Variants in NLRP2 observed in about 807,000 individuals in gnomAD.
The protein encoded by NLRP2 is NACHT, LRR and PYD domains-containing protein 2.
A neutral mutation model predicts 97.2 loss-of-function variants in NLRP2; 107 were observed. That is an observed-to-expected ratio of 1.10 (90% CI 0.94 to 1.29). NLRP2 has a LOEUF of 1.29. NLRP2 is among the 50% of genes most tolerant of loss of function. The pLI is 0.00. For synonymous variants in NLRP2, 663 were observed against 551.5 expected (o/e 1.20, Z -2.83); for missense variants, 1,495 against 1,330.3 (o/e 1.12, Z -1.93).
intron 7 of NLRP2, 33 bp from the exon 8 acceptor site, chr19:54,986,118 C>A: frequency 6.6e-7 from 1 of 1,514,966 alleles, no homozygotes; most frequent in South Asian, 1.1e-5. Context: ...GGTGTACACA[C>A]TAAAGATTTC....
intron 2 of NLRP2, chr19:54,973,730 G>T: frequency 2.3e-6 from 1 of 442,716 alleles, no homozygotes; most frequent in South Asian, 1.7e-5. Context: ...ACGGCAGGAG[G>T]AAACCCAGAG....
intron 4 of NLRP2, among the ~76,000 whole-genome samples, chr19:54,979,491 C>T (rs911105025): frequency 4.6e-5 from 7 of 151,924 alleles, no homozygotes; most frequent in Non-Finnish European, 8.8e-5. Flanking sequence ...AGGCGCCCAC[C>T]ACCACATCTG....
Position 54,970,144 on chromosome 19 carries a change from C to T in NLRP2, c.129C>T (p.Pro43=). The change falls in exon 2 of 13, where the codon CCC becomes CCT. Residue 43 remains proline, a synonymous_variant. Transcript: ENST00000448584. ...FSLAHELQKI[P]HKEVDKADGK... is the part of the protein sequence containing the mutation. ...TGGCACACGAGCTCCAGAAGATCCC[C>T]CACAAGGAGGTAGACAAGGCTGATG... 1 of 1,614,078 alleles carries T rather than the reference C, an allele frequency of 6.2e-7. No individual in the cohort carries two copies. Among genetic ancestry groups the T allele is most frequent in the East Asian group, 2.2e-5 (1 of 44,886 alleles).
intron 1 of NLRP2, among the ~76,000 whole-genome samples, chr19:54,969,233 C>G (rs534152241): frequency 6.6e-6 from 1 of 152,110 alleles, no homozygotes; most frequent in South Asian, 2.1e-4. Context: ...GAAAAACTAG[C>G]TGGGCACTGA....
At chr19:54,998,611 CTTTTTTTTTTTTTTTTTTCCTTTT>C (rs1464777240) in intron 12 of NLRP2, among the ~76,000 whole-genome samples, 4 of 42,220 alleles carry the variant, frequency 9.5e-5, no homozygotes, top group East Asian at 6.7e-4. Context: ...CATCTTTTTT[CTTTTTTTTTTTTTTTTTTCCTTTT>C]TTTTTTTTTT....
intron 1 of NLRP2, among the ~76,000 whole-genome samples, chr19:54,968,535 C>T (rs183972642): frequency 7.2e-4 from 106 of 147,860 alleles, no homozygotes; most frequent in Non-Finnish European, 1.0e-3. Flanking sequence ...AGGGTTTTGC[C>T]ATGTTGCCCA....
In NLRP2 at chr19:54,979,131, C is replaced by T. The variant is rs147597244; in HGVS notation, c.397+1308C>T. ...TCCCCAGGTGCTGGGACTATAGGTG[C>T]CCACCACTATGCCTGGCTAACTTTT... On this transcript the variant is annotated intron_variant, in intron 4 of 12. Transcript: ENST00000448584. 2.6e-4 allele frequency among the ~76,000 whole-genome samples: 40 copies of T among 151,852 alleles called. No individual in the cohort carries two copies. The Middle Eastern group carries it at 0.01, about 39-fold the overall frequency.
intron 4 of NLRP2, 141 bp downstream of exon 4, chr19:54,977,964 A>G (rs2071352177): frequency 1.3e-6 from 1 of 790,580 alleles, no homozygotes; most frequent in Non-Finnish European, 2.2e-6. Flanking sequence ...CTCCTGGAGA[A>G]TGCCAACCTC....
intron 12 of NLRP2, among the ~76,000 whole-genome samples, chr19:54,998,375 T>TCCTA (rs2072959116): frequency 6.6e-6 from 1 of 152,066 alleles, no homozygotes; most frequent in Non-Finnish European, 1.5e-5. Flanking sequence ...CCTAGGAATG[T>TCCTA]GGGAACTTCA....
At position 54,982,764 on chromosome 19, in the gene NLRP2, G is replaced by T. The variant is rs374172530; in HGVS notation, c.1066G>T (p.Val356Leu). 1.9e-6 allele frequency: 3 copies of T among 1,614,058 alleles called. No individual in the cohort carries two copies. The highest frequency in any genetic ancestry group is 2.5e-6 in the Non-Finnish European group (3 of 1,180,032). The change falls in exon 6 of 13, where the codon GTG becomes TTG. Residue 356 changes from valine to leucine, a missense_variant. Val to Leu is a conservative substitution (Grantham distance 32). Transcript: ENST00000448584. ...ILAEEPIYIR[V>L]EGFLEEDRRA... is the part of the protein sequence containing the mutation. The stretch of plus-strand genomic sequence containing the variant: ...GGCGGAGGAGCCGATCTACATAAGG[G>T]TGGAGGGCTTCCTGGAGGAGGACAG...
intron 6 of NLRP2, among the ~76,000 whole-genome samples, 178 bp from the exon 7 acceptor site, chr19:54,984,869 T>A (rs896562761): frequency 1.3e-5 from 2 of 152,196 alleles, no homozygotes; most frequent in African/African-American, 4.8e-5. Flanking sequence ...AAGAATAGGT[T>A]CTTTCTCCTG....
Position 54,970,159 on chromosome 19 carries a change from C to A in NLRP2, c.144C>A (p.Asp48Glu), listed in dbSNP as rs757380266. 1.2e-6 allele frequency: 2 copies of A among 1,614,120 alleles called. No individual in the cohort carries two copies. Among genetic ancestry groups the A allele is most frequent in the Non-Finnish European group, 1.7e-6 (2 of 1,180,034 alleles). Reference protein sequence around the residue: ...ELQKIPHKEVDKADGKQLVEI... With the variant: ...ELQKIPHKEVEKADGKQLVEI... ...AGAAGATCCCCCACAAGGAGGTAGA[C>A]AAGGCTGATGGGAAGCAACTGGTAG... The change falls in exon 2 of 13, where the codon GAC becomes GAA. Residue 48 changes from aspartate to glutamate, a missense_variant. Coordinates refer to ENST00000448584, the MANE Select transcript of NLRP2 (RefSeq NM_017852.5).
intron 8 of NLRP2, among the ~76,000 whole-genome samples, chr19:54,987,202 C>CTT (rs2072155299): frequency 6.9e-6 from 1 of 144,390 alleles, no homozygotes; most frequent in African/African-American, 2.5e-5. Context: ...AGCCCAGAAT[C>CTT]TTTATCTTCT....
chr19:54,976,713 C>T (rs146528295), intron 3 of NLRP2: 7 of 406,250 alleles, frequency 1.7e-5, no homozygotes, highest in African/African-American at 4.3e-5. Context: ...GTGTCCAGTT[C>T]CCTCCCCAGC....
intron 10 of NLRP2, among the ~76,000 whole-genome samples, chr19:54,992,715 C>T (rs1671228): frequency 0.38 from 57,098 of 151,104 alleles, 11,172 homozygotes; most frequent in Middle Eastern, 0.51. Flanking sequence ...CATGCCACCA[C>T]GCCCAGCTAA....
At chr19:54,999,203 A>G (rs1205405116) in intron 12 of NLRP2, among the ~76,000 whole-genome samples, 1 of 151,664 alleles carries the variant, frequency 6.6e-6, no homozygotes, top group East Asian at 2.0e-4. Flanking sequence ...CCTGGAGCGC[A>G]ATGGCGCTAT....
chr19:54,974,144 A>G lies in NLRP2; in HGVS notation c.281-356A>G, dbSNP rs773271532. 1.7e-5 allele frequency: 11 copies of G among 638,276 alleles called. No individual in the cohort carries two copies. In the East Asian group the frequency reaches 3.8e-4, roughly 22 times the overall value. 39.5% of individuals were successfully genotyped at this position (638,276 alleles called of 1,614,324 possible). A position where few individuals can be genotyped will look rare whatever the true frequency, so the allele number is the denominator to read the frequency against. On this transcript the variant is annotated intron_variant, in intron 2 of 12. Coordinates refer to ENST00000448584, the MANE Select transcript of NLRP2 (RefSeq NM_017852.5). ...GCCGAGGTGGGCGGATCACAAGGTC[A>G]GGAGTCTGAGACCAGCCTGGCCAAA...
intron 2 of NLRP2, 38 bp from the exon 3 acceptor site, chr19:54,974,462 G>T: frequency 6.5e-7 from 1 of 1,549,632 alleles, no homozygotes; most frequent in Non-Finnish European, 8.9e-7. Context: ...TTGAGCTTAT[G>T]GTAAAATGCA....
At chr19:54,983,878 T>G in intron 6 of NLRP2, 150 bp downstream of exon 6, 2 of 1,220,560 alleles carry the variant, frequency 1.6e-6, no homozygotes, top group Non-Finnish European at 2.4e-6. Context: ...TGAGATGGAG[T>G]CTTGCTCTGT....
Sources: gnomAD v4.1 joint callset for allele counts (sites outside exome capture counted in the v4.1 genomes callset) on GRCh38, gnomAD v4.1.1 for gene constraint, MANE v1.5 for transcripts, NCBI Gene and HGNC (gene_info 2026-07-23, HGNC 2026-07-21) for gene names.